Variants in ADAMTS16 observed in about 807,000 individuals in gnomAD.
ADAMTS16 encodes ADAM metallopeptidase with thrombospondin type 1 motif 16.
In ADAMTS16, 94 loss-of-function variants were observed where a neutral mutation model predicts 145.8. The ratio of observed to expected loss-of-function variants is 0.64; its 90% CI spans 0.55 to 0.77. The LOEUF (loss-of-function observed/expected upper bound fraction) is 0.77. Ranked by LOEUF, ADAMTS16 falls within the 30% of genes least tolerant of loss-of-function variation. ADAMTS16 has a pLI of 0.00. For synonymous variants in ADAMTS16, 659 were observed against 604.3 expected (o/e 1.09, Z -1.33); for missense variants, 1,585 against 1,591.5 (o/e 1.00, Z 0.07).
At chr5:5,171,408 C>T (rs1193605484) in intron 3 of ADAMTS16, among the ~76,000 whole-genome samples, 1 of 152,116 alleles carries the variant, frequency 6.6e-6, no homozygotes, top group East Asian at 1.9e-4. Flanking sequence ...AGCTGTGGGT[C>T]TGCTGTATAT....
chr5:5,154,908 T>C (rs16874880), intron 3 of ADAMTS16, among the ~76,000 whole-genome samples: 6,841 of 152,212 alleles, frequency 0.045, 322 homozygotes, highest in Admixed American at 0.16. Context: ...AGATGATCCC[T>C]GTGGCCACTA....
At chr5:5,252,873 CT>C (rs1220492305) in intron 17 of ADAMTS16, among the ~76,000 whole-genome samples, 1 of 152,186 alleles carries the variant, frequency 6.6e-6, no homozygotes, top group Admixed American at 6.5e-5. Flanking sequence ...CTCATCTTTT[CT>C]TGTCTTTTTG....
chr5:5,249,394 G>A (rs915902747), intron 17 of ADAMTS16, among the ~76,000 whole-genome samples: 6 of 152,070 alleles, frequency 3.9e-5, no homozygotes, highest in Non-Finnish European at 5.9e-5. Context: ...GGATTGGCAC[G>A]GTGTTCTGAA....
intron 11 of ADAMTS16, among the ~76,000 whole-genome samples, chr5:5,224,664 A>G (rs550668304): frequency 6.6e-6 from 1 of 152,354 alleles, no homozygotes; most frequent in African/African-American, 2.4e-5. Context: ...AAAGGACATC[A>G]GGTAATTTAC....
At chr5:5,239,654 T>G (rs749592966) in intron 15 of ADAMTS16, 27 bp from the exon 16 acceptor site, 17 of 1,608,660 alleles carry the variant, frequency 1.1e-5, no homozygotes, top group Non-Finnish European at 1.4e-5. Context: ...AATGAAAAGC[T>G]GTATCTTCCC....
At chr5:5,172,502 G>T (rs1013508160) in intron 3 of ADAMTS16, among the ~76,000 whole-genome samples, 1 of 151,946 alleles carries the variant, frequency 6.6e-6, no homozygotes, top group East Asian at 1.9e-4. Context: ...TTGACCCACT[G>T]GTCATTCAGG....
At chr5:5,268,695 G>C (rs1287838800) in intron 18 of ADAMTS16, among the ~76,000 whole-genome samples, 2 of 152,128 alleles carry the variant, frequency 1.3e-5, no homozygotes, top group Non-Finnish European at 2.9e-5. Flanking sequence ...CACTATTTCT[G>C]TCCTCCCAGG....
intron 11 of ADAMTS16, among the ~76,000 whole-genome samples, chr5:5,229,860 C>T (rs1035838502): frequency 1.3e-5 from 2 of 152,164 alleles, no homozygotes; most frequent in Non-Finnish European, 2.9e-5. Flanking sequence ...CCTTGCAACA[C>T]TCAAAGATGT....
chr5:5,268,366 C>T (rs901243774), intron 18 of ADAMTS16, among the ~76,000 whole-genome samples: 5 of 152,198 alleles, frequency 3.3e-5, no homozygotes, highest in African/African-American at 1.2e-4. Context: ...TTTGCGGTAT[C>T]CTTGACTCAC....
intron 18 of ADAMTS16, among the ~76,000 whole-genome samples, chr5:5,273,929 G>A (rs1294780204): frequency 6.6e-6 from 1 of 152,182 alleles, no homozygotes; most frequent in East Asian, 1.9e-4. Flanking sequence ...ATCTAGAAAT[G>A]TGCCTTAAGT....
rs185655292 is a variant in ADAMTS16, at chr5:5,203,029, A to C, written c.1451+2760A>C. Among the ~76,000 whole-genome samples, 169 of 152,358 alleles carry C rather than the reference A, an allele frequency of 1.1e-3. 1 individual carries two copies. Among genetic ancestry groups the C allele is most frequent in the African/African-American group, 4.0e-3 (166 of 41,594 alleles). On this transcript the variant is annotated intron_variant, in intron 9 of 22. Coordinates refer to ENST00000274181, the MANE Select transcript of ADAMTS16 (RefSeq NM_139056.4). ...ATGATACTGGAACACCTGAACTATAAGTTGAAGTGTGCTGATGTGTTTTTG... is the reference window on the plus strand; with the variant it reads ...ATGATACTGGAACACCTGAACTATACGTTGAAGTGTGCTGATGTGTTTTTG...
chr5:5,143,981 G>T (rs1186890360), intron 2 of ADAMTS16, among the ~76,000 whole-genome samples: 1 of 99,692 alleles, frequency 1.0e-5, no homozygotes, highest in Non-Finnish European at 2.1e-5. Context: ...GCTTGTTGGG[G>T]GGTGAGGGGC....
At chr5:5,201,422 A>G (rs1449478743) in intron 9 of ADAMTS16, among the ~76,000 whole-genome samples, 5 of 152,206 alleles carry the variant, frequency 3.3e-5, no homozygotes, top group African/African-American at 1.2e-4. Context: ...GCACAAATGT[A>G]TAGATTCTAA....
At chr5:5,220,573 C>G (rs1166610908) in intron 10 of ADAMTS16, among the ~76,000 whole-genome samples, 4 of 152,088 alleles carry the variant, frequency 2.6e-5, no homozygotes, top group Non-Finnish European at 5.9e-5. Flanking sequence ...ACGGCAGAGC[C>G]CTGAACGCAG....
chr5:5,252,096 G>A (rs549248230), intron 17 of ADAMTS16, among the ~76,000 whole-genome samples: 5 of 152,258 alleles, frequency 3.3e-5, no homozygotes, highest in South Asian at 2.1e-4. Flanking sequence ...TGATCCGCCC[G>A]CCTCGGCCTC....
chr5:5,150,967 T>C (rs1457350899), intron 3 of ADAMTS16, among the ~76,000 whole-genome samples: 2 of 152,216 alleles, frequency 1.3e-5, no homozygotes, highest in Non-Finnish European at 2.9e-5. Flanking sequence ...TGTTTAATGA[T>C]GTCCCACATT....
In ADAMTS16 at chr5:5,178,186, G is replaced by A. The variant is rs1009918326; in HGVS notation, c.502-3858G>A. ...GCAGTAACACAACACATATTCGTTC[G>A]TTTCTTATGAAGGCAATATAAGTGT... On this transcript the variant is annotated intron_variant, in intron 3 of 22. Coordinates refer to ENST00000274181, the MANE Select transcript of ADAMTS16 (RefSeq NM_139056.4). Among the ~76,000 whole-genome samples, 9 of 152,258 alleles carry A rather than the reference G, an allele frequency of 5.9e-5. No homozygotes were observed. In the South Asian group the frequency reaches 8.3e-4, roughly 14 times the overall value.
chr5:5,195,581 C>G (rs930937109), intron 8 of ADAMTS16, among the ~76,000 whole-genome samples: 7 of 152,162 alleles, frequency 4.6e-5, no homozygotes, highest in African/African-American at 1.7e-4. Context: ...ATTTAGGTTG[C>G]ATTATTTGAG....
chr5:5,177,955 G>GCAAA (rs1311768583), intron 3 of ADAMTS16, among the ~76,000 whole-genome samples: 1 of 152,044 alleles, frequency 6.6e-6, no homozygotes. Context: ...CAGTGACTGG[G>GCAAA]CGTTTATTCA....
Sources: gnomAD v4.1 joint callset for allele counts (sites outside exome capture counted in the v4.1 genomes callset) on GRCh38, gnomAD v4.1.1 for gene constraint, MANE v1.5 for transcripts, NCBI Gene and HGNC (gene_info 2026-07-23, HGNC 2026-07-21) for gene names.